ANO2: variants seen among roughly 807,000 people sequenced by gnomAD.
The protein encoded by ANO2 is anoctamin 2.
In ANO2, 101 loss-of-function variants were observed where a neutral mutation model predicts 124.2. The ratio of observed to expected loss-of-function variants is 0.81; its 90% CI spans 0.69 to 0.96. ANO2 has a LOEUF of 0.96. Ranked by LOEUF, ANO2 falls within the 40% of genes least tolerant of loss-of-function variation. ANO2 has a pLI of 0.00. For missense variants in ANO2, 1,293 were observed against 1,274.5 expected (o/e 1.01, Z -0.22); for synonymous variants, 486 against 482.5 (o/e 1.01, Z -0.09).
chr12:5,691,929 G>A (rs1187524527), intron 14 of ANO2, among the ~76,000 whole-genome samples: 5 of 152,068 alleles, frequency 3.3e-5, no homozygotes, highest in Non-Finnish European at 1.5e-5. Context: ...TGTAGTTCAA[G>A]AGTGGTGAAT....
chr12:5,731,178 G>A (rs948892937), intron 14 of ANO2, among the ~76,000 whole-genome samples: 35 of 152,210 alleles, frequency 2.3e-4, no homozygotes, highest in African/African-American at 6.0e-4. Context: ...TTTGCACGGC[G>A]TTGCCGAAGC....
In ANO2 at chr12:5,658,460, TCATATC is replaced by T. The variant is rs2136969157; in HGVS notation, c.1546-10665_1546-10660del. On this transcript the variant is annotated intron_variant, in intron 14 of 24. Transcript: ENST00000682330. The surrounding 1 kb of genome is among the most constrained non-coding windows in gnomAD (Gnocchi z 4.3). The stretch of plus-strand genomic sequence containing the variant: ...ATTAACATAATCATCAACATCATCA[TCATATC>T]ATCACTATCATCATCATCATCAATA... Among the ~76,000 whole-genome samples, 1 of 152,194 alleles carries T rather than the reference TCATATC, an allele frequency of 6.6e-6. No individual in the cohort carries two copies. Among genetic ancestry groups the T allele is most frequent in the African/African-American group, 2.4e-5 (1 of 41,522 alleles).
chr12:5,917,556 CTCT>C (rs1457992489), intron 3 of ANO2, among the ~76,000 whole-genome samples: 1 of 144,326 alleles, frequency 6.9e-6, no homozygotes, highest in Non-Finnish European at 1.5e-5. Context: ...TATTATTATT[CTCT>C]TTTTTCTTTT....
chr12:5,808,107 T>C (rs1035831947), intron 7 of ANO2, among the ~76,000 whole-genome samples: 3 of 152,344 alleles, frequency 2.0e-5, no homozygotes, highest in East Asian at 3.9e-4. Flanking sequence ...GCAGTAAACA[T>C]TGGTCGACAT....
At position 5,830,508 on chromosome 12, in the gene ANO2, C is replaced by A. The variant is rs1441579123; in HGVS notation, c.786-19G>T. On this transcript the variant is annotated intron_variant, in intron 5 of 24. Transcript: ENST00000682330. ...GTTGTACCTGGAGACACCAAGAGAG[C>A]AGATGGCAAATTCATTTCATTACCC... 3.1e-6 allele frequency: 5 copies of A among 1,606,280 alleles called. No homozygotes were observed. The highest frequency in any genetic ancestry group is 3.4e-6 in the Non-Finnish European group (4 of 1,176,178).
At chr12:5,828,851 C>G (rs1384444868) in intron 6 of ANO2, among the ~76,000 whole-genome samples, 3 of 152,238 alleles carry the variant, frequency 2.0e-5, no homozygotes, top group Non-Finnish European at 2.9e-5. Context: ...TTGCAACAAA[C>G]AGCTGAGGTG....
At chr12:5,724,765 T>C (rs923071244) in intron 14 of ANO2, among the ~76,000 whole-genome samples, 1 of 152,092 alleles carries the variant, frequency 6.6e-6, no homozygotes, top group African/African-American at 2.4e-5. Flanking sequence ...CATAAAACAT[T>C]CATTAAATGA....
intron 10 of ANO2, among the ~76,000 whole-genome samples, chr12:5,780,027 T>C (rs1952340527): frequency 6.6e-6 from 1 of 152,228 alleles, no homozygotes; most frequent in Admixed American, 6.5e-5. Context: ...AATGGTATTG[T>C]ATCAATGTTA....
chr12:5,915,318 A>C (rs904899140), intron 3 of ANO2, among the ~76,000 whole-genome samples: 1 of 152,256 alleles, frequency 6.6e-6, no homozygotes, highest in African/African-American at 2.4e-5. Flanking sequence ...TTGTCTTTAA[A>C]ATATGAACAT....
intron 10 of ANO2, among the ~76,000 whole-genome samples, chr12:5,775,975 C>T (rs762033724): frequency 6.6e-6 from 1 of 152,194 alleles, no homozygotes; most frequent in Admixed American, 6.5e-5. Flanking sequence ...TAAAACCCAT[C>T]CTCACGTATC....
At chr12:5,633,065 T>C (rs1489857089) in intron 16 of ANO2, among the ~76,000 whole-genome samples, 2 of 152,202 alleles carry the variant, frequency 1.3e-5, no homozygotes, top group Non-Finnish European at 2.9e-5. Flanking sequence ...TCCTGGTGTT[T>C]CCTCCATGCG....
Position 5,787,817 on chromosome 12 carries a change from T to G in ANO2, c.1055+11690A>C, listed in dbSNP as rs113249134. Among the ~76,000 whole-genome samples, 1,380 of 152,320 alleles carry G rather than the reference T, an allele frequency of 9.1e-3. 10 individuals carry two copies. The highest frequency in any genetic ancestry group is 0.014 in the Middle Eastern group (4 of 294). The stretch of plus-strand genomic sequence containing the variant: ...ACTTCTGTCCTCCTCTCTAGTCATC[T>G]CTGTCACACTTCCGGTTAACTATGC... On this transcript the variant is annotated intron_variant, in intron 10 of 24. Coordinates refer to ENST00000682330, the MANE Select transcript of ANO2 (RefSeq NM_001364791.2). The surrounding 1 kb of genome is among the most constrained non-coding windows in gnomAD (Gnocchi z 4.2).
At chr12:5,804,841 G>A (rs1035036554) in intron 9 of ANO2, among the ~76,000 whole-genome samples, 9 of 152,086 alleles carry the variant, frequency 5.9e-5, no homozygotes, top group African/African-American at 1.4e-4. Flanking sequence ...CCTGGTCTCC[G>A]TAATGATCCT....
intron 1 of ANO2, among the ~76,000 whole-genome samples, chr12:5,943,286 TG>T (rs1942966848): frequency 1.0e-5 from 1 of 95,316 alleles, no homozygotes; most frequent in Non-Finnish European, 2.6e-5. Context: ...TTTGTGTGTG[TG>T]TGTGTGTGTG....
intron 4 of ANO2, among the ~76,000 whole-genome samples, chr12:5,853,618 A>C (rs1954992528): frequency 6.6e-6 from 1 of 152,144 alleles, no homozygotes; most frequent in Non-Finnish European, 1.5e-5. Flanking sequence ...CATAACCAGA[A>C]TAGGTTTCTC....
chr12:5,655,101 C>T (rs1457101212), intron 14 of ANO2, among the ~76,000 whole-genome samples: 1 of 152,186 alleles, frequency 6.6e-6, no homozygotes, highest in Non-Finnish European at 1.5e-5. Context: ...TCTTCTATCC[C>T]TTTTCTCCCA....
intron 10 of ANO2, among the ~76,000 whole-genome samples, chr12:5,796,488 AAC>A (rs537465792): frequency 8.1e-5 from 12 of 147,316 alleles, no homozygotes; most frequent in South Asian, 2.1e-4. Context: ...ACAAACTCAC[AAC>A]ACACAGAGAC....
At chr12:5,742,304 C>T (rs186336248) in intron 12 of ANO2, among the ~76,000 whole-genome samples, 1 of 152,292 alleles carries the variant, frequency 6.6e-6, no homozygotes, top group Non-Finnish European at 1.5e-5. Flanking sequence ...AATTTGTAGA[C>T]AATCTGGCCT....
At position 5,739,596 on chromosome 12, in the gene ANO2, T is replaced by TACACACACACACACAC. The variant is rs71064167; in HGVS notation, c.1352-213_1352-198dup. Reference sequence around the variant, plus strand: ...CATCCTTGAGAGCCAATAGATATGTTACACACACACACACACACACACACA... The same window carrying TACACACACACACACAC: ...CATCCTTGAGAGCCAATAGATATGTTACACACACACACACACACACACACACACACACACACACACA... On this transcript the variant is annotated intron_variant, in intron 12 of 24. Coordinates refer to ENST00000682330, the MANE Select transcript of ANO2 (RefSeq NM_001364791.2). Among the ~76,000 whole-genome samples the TACACACACACACACAC allele has an allele frequency of 3.9e-3, 560 of 145,172 alleles. 4 individuals are homozygous for TACACACACACACACAC. Among genetic ancestry groups the TACACACACACACACAC allele is most frequent in the South Asian group, 0.026 (112 of 4,288 alleles).
Sources: gnomAD v4.1 joint callset for allele counts (sites outside exome capture counted in the v4.1 genomes callset) on GRCh38, gnomAD v4.1.1 for gene constraint, Gnocchi (gnomAD v3.1) non-coding constraint, MANE v1.5 for transcripts, NCBI Gene and HGNC (gene_info 2026-07-23, HGNC 2026-07-21) for gene names.